Variants in NKAIN3 observed in about 807,000 individuals in gnomAD.
NKAIN3 encodes sodium/potassium-transporting ATPase subunit beta-1-interacting protein 3.
In NKAIN3, 25 loss-of-function variants were observed where a neutral mutation model predicts 30.2. The ratio of observed to expected loss-of-function variants is 0.83; its 90% CI spans 0.60 to 1.16. The LOEUF is 1.16. Ranked by LOEUF, NKAIN3 falls within the 50% of genes most tolerant of loss-of-function variation. The pLI, the probability that NKAIN3 is intolerant of heterozygous loss-of-function variation, is 0.00. For synonymous variants in NKAIN3, 91 were observed against 89.6 expected (o/e 1.02, Z -0.09); for missense variants, 225 against 254.1 (o/e 0.89, Z 0.78).
chr8:62,717,523 G>T (rs569168918), intron 3 of NKAIN3, among the ~76,000 whole-genome samples: 58 of 151,872 alleles, frequency 3.8e-4, no homozygotes, highest in African/African-American at 1.3e-3. Flanking sequence ...ACAGTAGCAA[G>T]TAATGAATAA....
chr8:62,747,242 CAG>C (rs10566533), intron 4 of NKAIN3, 113 bp downstream of exon 4: 105,403 of 645,634 alleles, frequency 0.16, 9,825 homozygotes, highest in East Asian at 0.31. Flanking sequence ...GAACATCCAA[CAG>C]AAATAGAAGC....
At chr8:62,709,996 T>A (rs1814663782) in intron 3 of NKAIN3, among the ~76,000 whole-genome samples, 1 of 152,066 alleles carries the variant, frequency 6.6e-6, no homozygotes, top group South Asian at 2.1e-4. Flanking sequence ...TCATTCAGGA[T>A]CAGATTACTA....
chr8:62,744,295 A>G lies in NKAIN3; in HGVS notation c.274-2637A>G, dbSNP rs184670909. 6.7e-4 allele frequency among the ~76,000 whole-genome samples: 102 copies of G among 152,334 alleles called. 1 individual carries two copies. The Middle Eastern group carries it at 0.01, about 15-fold the overall frequency. Reference sequence around the variant, plus strand: ...ATAATTTAATGTTATTTATATTCTCATTCAAATTTTAATATAGTCATTGTG... The same window carrying G: ...ATAATTTAATGTTATTTATATTCTCGTTCAAATTTTAATATAGTCATTGTG... On this transcript the variant is annotated intron_variant, in intron 3 of 6. Coordinates refer to ENST00000623646, the MANE Select transcript of NKAIN3 (RefSeq NM_001304533.3).
At chr8:62,551,370 T>G (rs904652750) in intron 1 of NKAIN3, among the ~76,000 whole-genome samples, 1 of 152,110 alleles carries the variant, frequency 6.6e-6, no homozygotes, top group African/African-American at 2.4e-5. Flanking sequence ...TTTTTAGAAC[T>G]AGCTGGTTTA....
At chr8:62,508,464 T>C (rs36047755) in intron 1 of NKAIN3, among the ~76,000 whole-genome samples, 10,966 of 152,180 alleles carry the variant, frequency 0.072, 491 homozygotes, top group African/African-American at 0.13. Flanking sequence ...AAAGTCCCAT[T>C]CACCCTCAAG....
chr8:62,439,781 C>A (rs555892789), intron 1 of NKAIN3, among the ~76,000 whole-genome samples: 1 of 152,344 alleles, frequency 6.6e-6, no homozygotes, highest in South Asian at 2.1e-4. Flanking sequence ...ACATGAGGTG[C>A]AGTCAACAGA....
chr8:62,297,184 A>G (rs1813857110), intron 1 of NKAIN3, among the ~76,000 whole-genome samples: 1 of 152,214 alleles, frequency 6.6e-6, no homozygotes, highest in Admixed American at 6.5e-5. Flanking sequence ...AGATGGATTA[A>G]AGACTTAAAT....
At chr8:62,754,692 C>T (rs895283739) in intron 4 of NKAIN3, among the ~76,000 whole-genome samples, 1 of 152,122 alleles carries the variant, frequency 6.6e-6, no homozygotes, top group Non-Finnish European at 1.5e-5. Context: ...TGTCACTGTT[C>T]TCTGCCTTTC....
chr8:62,838,129 CTGTGTGTG>C (rs4031520), intron 4 of NKAIN3, among the ~76,000 whole-genome samples: 2,395 of 147,710 alleles, frequency 0.016, 74 homozygotes, highest in African/African-American at 0.056. Flanking sequence ...CAATACCGCT[CTGTGTGTG>C]TGTGTGTGTG....
At chr8:62,556,198 G>T (rs2129957874) in intron 1 of NKAIN3, among the ~76,000 whole-genome samples, 1 of 152,002 alleles carries the variant, frequency 6.6e-6, no homozygotes, top group African/African-American at 2.4e-5. Context: ...GTATACATTA[G>T]AAAATACCTA....
At chr8:62,304,628 A>G (rs1333731217) in intron 1 of NKAIN3, among the ~76,000 whole-genome samples, 1 of 150,544 alleles carries the variant, frequency 6.6e-6, no homozygotes, top group Non-Finnish European at 1.5e-5. Flanking sequence ...GAAACCCAGC[A>G]GGTATGAAGT....
chr8:62,813,831 G>A (rs886931758), intron 4 of NKAIN3, among the ~76,000 whole-genome samples: 2 of 151,922 alleles, frequency 1.3e-5, no homozygotes, highest in Non-Finnish European at 2.9e-5. Flanking sequence ...ATTTATTGCA[G>A]GGCCAGTCTA....
At chr8:62,735,458 C>A (rs971246757) in intron 3 of NKAIN3, among the ~76,000 whole-genome samples, 13 of 150,164 alleles carry the variant, frequency 8.7e-5, no homozygotes, top group Admixed American at 2.0e-4. Flanking sequence ...GTGCATTTTG[C>A]ATTTCTCTGA....
intron 4 of NKAIN3, among the ~76,000 whole-genome samples, chr8:62,901,209 G>A (rs1213777905): frequency 6.6e-6 from 1 of 152,158 alleles, no homozygotes; most frequent in Non-Finnish European, 1.5e-5. Context: ...CCTTGATCAT[G>A]GAGTGGATGG....
At chr8:62,894,703 A>G (rs894682230) in intron 4 of NKAIN3, among the ~76,000 whole-genome samples, 3 of 152,194 alleles carry the variant, frequency 2.0e-5, no homozygotes, top group Non-Finnish European at 4.4e-5. Context: ...GAGCCCAAAT[A>G]GAAGTCACTT....
At chr8:62,296,259 G>A (rs1406174692) in intron 1 of NKAIN3, among the ~76,000 whole-genome samples, 2 of 152,202 alleles carry the variant, frequency 1.3e-5, no homozygotes, top group African/African-American at 4.8e-5. Flanking sequence ...AGGTGAGGGA[G>A]AGTGAAAAGT....
chr8:62,345,274 C>CAT (rs150691600), intron 1 of NKAIN3, among the ~76,000 whole-genome samples: 11 of 148,630 alleles, frequency 7.4e-5, no homozygotes, highest in Admixed American at 2.7e-4. Context: ...CACACACACA[C>CAT]ATATACACGC....
intron 3 of NKAIN3, among the ~76,000 whole-genome samples, chr8:62,730,547 G>A (rs1051347312): frequency 6.6e-5 from 10 of 151,932 alleles, no homozygotes; most frequent in African/African-American, 2.4e-4. Flanking sequence ...CCATGAAAAA[G>A]AAATCTGTAT....
intron 1 of NKAIN3, among the ~76,000 whole-genome samples, chr8:62,538,606 C>G (rs1268224401): frequency 1.3e-5 from 2 of 152,170 alleles, no homozygotes; most frequent in African/African-American, 4.8e-5. Context: ...GCCACATAAT[C>G]AATTCTTGTG....
Sources: gnomAD v4.1 joint callset for allele counts (sites outside exome capture counted in the v4.1 genomes callset) on GRCh38, gnomAD v4.1.1 for gene constraint, MANE v1.5 for transcripts, NCBI Gene and HGNC (gene_info 2026-07-23, HGNC 2026-07-21) for gene names.